Variants in MLX observed in about 807,000 individuals in gnomAD.
MLX encodes the protein max-like protein X.
In MLX, 15 loss-of-function variants were observed where a neutral mutation model predicts 33.0. The observed-to-expected ratio is 0.45, with a 90% confidence interval of 0.30 to 0.70. The LOEUF is 0.70. Among genes scored for constraint, MLX ranks in the 30% least tolerant of loss-of-function variants. MLX has a pLI of 0.07. For synonymous variants in MLX, 115 were observed against 115.6 expected, an observed-to-expected ratio of 0.99 and a Z score of 0.03; for missense variants, 285 against 306.3, an observed-to-expected ratio of 0.93 and a Z score of 0.52.
At chr17:42,569,698 G>A in intron 6 of MLX, 92 bp downstream of exon 6, 4 of 992,132 alleles carry the variant, frequency 4.0e-6, no homozygotes, top group Non-Finnish European at 6.3e-6. Context: ...AGTTACTGCT[G>A]TACAGATAAT....
At chr17:42,569,140 C>T in intron 4 of MLX, 64 bp from the exon 5 acceptor site, 1 of 1,496,496 alleles carries the variant, frequency 6.7e-7, no homozygotes, top group Admixed American at 1.7e-5. Flanking sequence ...CATGGAGGAA[C>T]TTTGTGCCAT....
rs530701874 is a variant in MLX at position 42,573,064 on chromosome 17, A to G, written c.*1461A>G. The G allele has an allele frequency of 7.4e-6, 12 of 1,614,152 alleles. No homozygotes were observed. In the African/African-American group the frequency reaches 1.6e-4, roughly 22 times the overall value. ...GACAAGTGAATGAGATGTCACCAGG[A>G]TAAGACCACAGGGAAGCAAAGAAGG... On this transcript the variant is annotated 3_prime_UTR_variant, in exon 8 of 8. Transcript: ENST00000435881.
chr17:42,567,287 C>A, intron 1 of MLX, 121 bp downstream of exon 1: 1 of 1,352,556 alleles, frequency 7.4e-7, no homozygotes, highest in East Asian at 2.8e-5. Context: ...CTCCGTGCCC[C>A]GGGGCTGCAG....
chr17:42,573,131 G>A lies in MLX; in HGVS notation c.*1528G>A, dbSNP rs2093046643. 1.2e-6 allele frequency: 2 copies of A among 1,614,244 alleles called. No homozygotes were observed. Among genetic ancestry groups the A allele is most frequent in the Non-Finnish European group, 1.7e-6 (2 of 1,180,038 alleles). On this transcript the variant is annotated 3_prime_UTR_variant, in exon 8 of 8. Transcript: ENST00000435881. The stretch of plus-strand genomic sequence containing the variant: ...CAAAGAACTGCTTCTTGCTCTTGGG[G>A]TATCCTTCAAGTATTGCATCAGACA...
intron 4 of MLX, 112 bp downstream of exon 4, chr17:42,569,055 A>G: frequency 7.8e-6 from 10 of 1,280,712 alleles, no homozygotes; most frequent in Non-Finnish European, 1.1e-5. Flanking sequence ...GTGGGCAGGT[A>G]GTATAGTCCC....
rs774217633 is a variant in MLX, at chr17:42,568,904, A to C, written c.237A>C (p.Ala79=). ...KESYKDRRRR[A]HTQAEQKRRD... is the part of the protein sequence containing the mutation. The stretch of plus-strand genomic sequence containing the variant: ...CCTACAAAGACCGGCGGCGGCGCGC[A>C]CACACTCAGGCTGAGCAGAAGAGGA... The change falls in exon 4 of 8, where the codon GCA becomes GCC. Residue 79 remains alanine, a synonymous_variant. Transcript: ENST00000435881. 1 of 1,611,352 alleles carries C rather than the reference A, an allele frequency of 6.2e-7. No individual in the cohort carries two copies. Among genetic ancestry groups the C allele is most frequent in the East Asian group, 2.2e-5 (1 of 44,826 alleles).
chr17:42,569,185 T>C lies in MLX; in HGVS notation c.277-19T>C. On this transcript the variant is annotated intron_variant, in intron 4 of 7. Transcript: ENST00000435881. ...ATCTCTCAGGGTTAAAGAACCCATT[T>C]CCCCTGCTGTTTCCACAGAGAGGCT... The C allele has an allele frequency of 1.9e-6, 3 of 1,608,460 alleles. No individual in the cohort carries two copies. The highest frequency in any genetic ancestry group is 1.1e-5 in the South Asian group (1 of 90,960).
intron 5 of MLX, 43 bp downstream of exon 5, chr17:42,569,346 G>A: frequency 6.3e-7 from 1 of 1,586,014 alleles, no homozygotes; most frequent in Non-Finnish European, 8.7e-7. Flanking sequence ...GCCAAGCGGG[G>A]CTGTGAAGAG....
Position 42,571,508 on chromosome 17 carries a change from T to C in MLX, c.679-39T>C, listed in dbSNP as rs749789781. The C allele has an allele frequency of 4.4e-6, 7 of 1,606,114 alleles. No individual in the cohort carries two copies. In the East Asian group the frequency reaches 1.1e-4, roughly 26 times the overall value. On this transcript the variant is annotated intron_variant, in intron 7 of 7. Transcript: ENST00000435881. ...ATCTTGGAAACTACTCTGCGTTGACTTGGGCATTGTCTATTTCTTCCTCTG... is the reference window on the plus strand; with the variant it reads ...ATCTTGGAAACTACTCTGCGTTGACCTGGGCATTGTCTATTTCTTCCTCTG...
At chr17:42,571,036 C>T (rs967409867) in intron 7 of MLX, among the ~76,000 whole-genome samples, 4 of 152,070 alleles carry the variant, frequency 2.6e-5, no homozygotes, top group Non-Finnish European at 4.4e-5. Flanking sequence ...CTCGTATACC[C>T]GCTCCCTAAA....
At position 42,573,145 on chromosome 17, in the gene MLX, T is replaced by C. The variant is rs549792728; in HGVS notation, c.*1542T>C. 1.5e-5 allele frequency: 25 copies of C among 1,614,246 alleles called. No individual in the cohort carries two copies. In the South Asian group the frequency reaches 2.1e-4, roughly 13 times the overall value. On this transcript the variant is annotated 3_prime_UTR_variant, in exon 8 of 8. Coordinates refer to ENST00000435881, the MANE Select transcript of MLX (RefSeq NM_198204.2). ...TTGCTCTTGGGGTATCCTTCAAGTA[T>C]TGCATCAGACAGCTCTGTAGCCTGA...
In MLX at chr17:42,571,608, T is replaced by C; in HGVS notation, c.*5T>C. 3.1e-6 allele frequency: 5 copies of C among 1,614,010 alleles called. No individual in the cohort carries two copies. The highest frequency in any genetic ancestry group is 4.2e-6 in the Non-Finnish European group (5 of 1,179,930). Reference sequence around the variant, plus strand: ...TTGAAAAACCAGCTTTACTGACCGGTTCTTGGAAACCTGGAGAACAGCCAA... The same window carrying C: ...TTGAAAAACCAGCTTTACTGACCGGCTCTTGGAAACCTGGAGAACAGCCAA... On this transcript the variant is annotated 3_prime_UTR_variant, in exon 8 of 8. Coordinates refer to ENST00000435881, the MANE Select transcript of MLX (RefSeq NM_198204.2).
intron 2 of MLX, 45 bp downstream of exon 2, chr17:42,567,700 C>T (rs1483522925): frequency 1.2e-6 from 2 of 1,613,138 alleles, no homozygotes; most frequent in African/African-American, 1.3e-5. Context: ...CACTCCCGCC[C>T]AGGCTCTCTA....
chr17:42,572,549 G>A lies in MLX; in HGVS notation c.*946G>A, dbSNP rs1422047683. 1 of 453,628 alleles carries A rather than the reference G, an allele frequency of 2.2e-6. No homozygotes were observed. Among genetic ancestry groups the A allele is most frequent in the Non-Finnish European group, 4.4e-6 (1 of 226,448 alleles). 28.1% of individuals were successfully genotyped at this position (453,628 alleles called of 1,614,324 possible). A position where few individuals can be genotyped will look rare whatever the true frequency, so the allele number is the denominator to read the frequency against. On this transcript the variant is annotated 3_prime_UTR_variant, in exon 8 of 8. Transcript: ENST00000435881. ...CAGCAGGTCCTGAGTGAAGCCGTGGGCCCTCCAAATGCTCGTTTTATAGCA... is the reference window on the plus strand; with the variant it reads ...CAGCAGGTCCTGAGTGAAGCCGTGGACCCTCCAAATGCTCGTTTTATAGCA...
rs781336584 is a variant in MLX at position 42,571,502 on chromosome 17, G to A, written c.679-45G>A. ...GCAGGCATCTTGGAAACTACTCTGCGTTGACTTGGGCATTGTCTATTTCTT... is the reference window on the plus strand; with the variant it reads ...GCAGGCATCTTGGAAACTACTCTGCATTGACTTGGGCATTGTCTATTTCTT... On this transcript the variant is annotated intron_variant, in intron 7 of 7. Coordinates refer to ENST00000435881, the MANE Select transcript of MLX (RefSeq NM_198204.2). 4.9e-5 allele frequency: 79 copies of A among 1,601,218 alleles called. 1 individual carries two copies. The South Asian group carries it at 5.2e-4, about 10-fold the overall frequency.
intron 4 of MLX, 40 bp from the exon 5 acceptor site, chr17:42,569,164 C>T (rs769504088): frequency 1.3e-6 from 2 of 1,579,706 alleles, no homozygotes; most frequent in African/African-American, 1.3e-5. Flanking sequence ...GCTTTAATCT[C>T]TCAGGGTTAA....
rs967142925 is a variant in MLX at position 42,569,371 on chromosome 17, C to T, written c.376+68C>T. On this transcript the variant is annotated intron_variant, in intron 5 of 7. Transcript: ENST00000435881. ...GCTGTGAAGAGGCCAGTGCCTCCTA[C>T]CCACCCATGGCTCGGCCTTGGTGTG... 11 of 1,541,662 alleles carry T rather than the reference C, an allele frequency of 7.1e-6. No homozygotes were observed. In the Admixed American group the frequency reaches 1.5e-4, roughly 21 times the overall value.
Position 42,572,652 on chromosome 17 carries a change from G to A in MLX, c.*1049G>A, listed in dbSNP as rs2093041191. On this transcript the variant is annotated 3_prime_UTR_variant, in exon 8 of 8. Coordinates refer to ENST00000435881, the MANE Select transcript of MLX (RefSeq NM_198204.2). ...TATCTGGCAGGTTTGACTATCCAGA[G>A]GAAATTAAATATTTTTATATAAAAT... The A allele has an allele frequency of 2.5e-6, 1 of 408,044 alleles. No homozygotes were observed. The highest frequency in any genetic ancestry group is 4.9e-6 in the Non-Finnish European group (1 of 204,680). The allele number at this position is 408,044 out of a possible 1,614,324, so 25.3% of individuals were successfully genotyped here.
Position 42,572,119 on chromosome 17 carries a change from C to CT in MLX, c.*517dup, listed in dbSNP as rs1369678124. On this transcript the variant is annotated 3_prime_UTR_variant, in exon 8 of 8. Transcript: ENST00000435881. ...TGAAGGGTGAAAGGGCACCTTGTGC[C>CT]TAGACTAGGGCTGCCTGGTCAGTCC... 20 of 288,288 alleles carry CT rather than the reference C, an allele frequency of 6.9e-5. No individual in the cohort carries two copies. The highest frequency in any genetic ancestry group is 2.6e-3 in the Middle Eastern group (2 of 784). The allele number at this position is 288,288 out of a possible 1,614,324, so 17.9% of individuals were successfully genotyped here.
Sources: gnomAD v4.1 joint callset for allele counts (sites outside exome capture counted in the v4.1 genomes callset) on GRCh38, gnomAD v4.1.1 for gene constraint, MANE v1.5 for transcripts, NCBI Gene and HGNC (gene_info 2026-07-23, HGNC 2026-07-21) for gene names.